The following LRRC28 variants were observed in gnomAD, a reference collection of about 807,000 sequenced individuals.
The protein encoded by LRRC28 is leucine-rich repeat-containing protein 28.
Under a neutral mutation model 45.7 loss-of-function variants are expected in LRRC28, and 39 were observed. The ratio of observed to expected loss-of-function variants is 0.85; its 90% CI spans 0.66 to 1.12. LRRC28 has a LOEUF of 1.12. Among genes scored for constraint, LRRC28 ranks in the 50% most tolerant of loss-of-function variants. The pLI is 0.00. For missense variants in LRRC28, 435 were observed against 438.5 expected, an observed-to-expected ratio of 0.99 and a Z score of 0.07; for synonymous variants, 206 against 178.8, an observed-to-expected ratio of 1.15 and a Z score of -1.22.
At chr15:99,384,062 G>A (rs1186106043) in intron 9 of LRRC28, among the ~76,000 whole-genome samples, 4 of 152,208 alleles carry the variant, frequency 2.6e-5, no homozygotes, top group African/African-American at 9.7e-5. Flanking sequence ...ACAAGATCCT[G>A]CAACTCCATC....
intron 5 of LRRC28, among the ~76,000 whole-genome samples, chr15:99,299,545 C>A (rs2082345922): frequency 6.6e-6 from 1 of 152,120 alleles, no homozygotes. Context: ...TGTTGCTTTA[C>A]TTCATCTGTG....
chr15:99,360,044 T>G (rs1184608735), intron 7 of LRRC28, among the ~76,000 whole-genome samples: 1 of 152,162 alleles, frequency 6.6e-6, no homozygotes, highest in African/African-American at 2.4e-5. Context: ...TGGTCAGATA[T>G]TTGGTAAAAA....
chr15:99,337,922 G>C (rs559326669), intron 6 of LRRC28: 2 of 152,258 alleles, frequency 1.3e-5, no homozygotes, highest in African/African-American at 4.8e-5. Context: ...AAAGAAGCAG[G>C]CTACCTGAAG....
At chr15:99,258,101 A>G in intron 2 of LRRC28, 2 of 1,577,582 alleles carry the variant, frequency 1.3e-6, no homozygotes, top group Non-Finnish European at 1.7e-6. Context: ...AGAGTTGGTT[A>G]AAAACCTTGG....
chr15:99,253,607 G>C (rs1020777760), intron 1 of LRRC28, among the ~76,000 whole-genome samples: 5 of 152,218 alleles, frequency 3.3e-5, no homozygotes, highest in South Asian at 2.1e-4. Context: ...GCACCCTCAA[G>C]GCCTAGTATG....
chr15:99,380,355 G>T (rs1385307464), intron 9 of LRRC28, among the ~76,000 whole-genome samples: 1 of 152,098 alleles, frequency 6.6e-6, no homozygotes, highest in Non-Finnish European at 1.5e-5. Flanking sequence ...GACTAGGATT[G>T]CAACCCTTGC....
intron 8 of LRRC28, 77 bp from the exon 9 acceptor site, chr15:99,363,029 A>G: frequency 1.4e-6 from 2 of 1,452,918 alleles, no homozygotes; most frequent in Non-Finnish European, 1.8e-6. Context: ...CTTATTTGGT[A>G]ACAAATATTT....
intron 5 of LRRC28, chr15:99,326,723 A>G (rs952414031): frequency 6.6e-6 from 1 of 152,158 alleles, no homozygotes; most frequent in Non-Finnish European, 1.5e-5. Context: ...AAAAAAATGT[A>G]CACTCAGAAA....
chr15:99,298,154 C>G (rs1461830552), intron 5 of LRRC28, among the ~76,000 whole-genome samples: 1 of 152,168 alleles, frequency 6.6e-6, no homozygotes, highest in Non-Finnish European at 1.5e-5. Context: ...GGGTGCGTTC[C>G]TTTGTGAAAA....
intron 6 of LRRC28, among the ~76,000 whole-genome samples, chr15:99,350,938 GAC>G (rs1956858296): frequency 6.6e-6 from 1 of 152,170 alleles, no homozygotes; most frequent in African/African-American, 2.4e-5. Flanking sequence ...TGGAACTAGA[GAC>G]ACATGCCAGC....
intron 5 of LRRC28, among the ~76,000 whole-genome samples, chr15:99,318,059 T>TA (rs1243466681): frequency 2.0e-5 from 3 of 152,162 alleles, no homozygotes; most frequent in Non-Finnish European, 4.4e-5. Context: ...TCTGAAGAAA[T>TA]ACGTTTTTAT....
chr15:99,349,059 ATTTC>A (rs1956787469), intron 6 of LRRC28, among the ~76,000 whole-genome samples: 1 of 151,558 alleles, frequency 6.6e-6, no homozygotes, highest in Admixed American at 6.6e-5. Flanking sequence ...TGTTTTCTTG[ATTTC>A]TTTCTTTGGT....
At chr15:99,326,402 C>T (rs954277678) in intron 5 of LRRC28, 1 of 152,166 alleles carries the variant, frequency 6.6e-6, no homozygotes, top group Non-Finnish European at 1.5e-5. Context: ...AGGCATGTTA[C>T]TGCAAAGATG....
rs191748852 is a variant in LRRC28 at position 99,358,690 on chromosome 15, T to C, written c.696-2646T>C. Among the ~76,000 whole-genome samples the C allele has an allele frequency of 4.2e-3, 632 of 151,956 alleles. 10 individuals are homozygous for C. Among genetic ancestry groups the C allele is most frequent in the Non-Finnish European group, 2.8e-3 (191 of 67,950 alleles). On this transcript the variant is annotated intron_variant, in intron 7 of 9. Transcript: ENST00000301981. ...ATTCAGAGGTAAATGATAGTGTTGT[T>C]TAATAATGCTACCCGTATTATTTTT... is the stretch of plus-strand genomic sequence containing the variant.
chr15:99,376,544 AT>A (rs1184885764), intron 9 of LRRC28, among the ~76,000 whole-genome samples: 1 of 151,952 alleles, frequency 6.6e-6, no homozygotes, highest in Non-Finnish European at 1.5e-5. Flanking sequence ...TTGAAAAAAA[AT>A]TTTTTATACT....
At chr15:99,330,792 C>T (rs1449825981) in intron 5 of LRRC28, among the ~76,000 whole-genome samples, 1 of 151,950 alleles carries the variant, frequency 6.6e-6, no homozygotes, top group Non-Finnish European at 1.5e-5. Flanking sequence ...TTTTTTTCCC[C>T]ATACCTCTCC....
chr15:99,290,172 C>T lies in LRRC28; in HGVS notation c.385+2221C>T, dbSNP rs576994947. On this transcript the variant is annotated intron_variant, in intron 5 of 9. Transcript: ENST00000301981. Reference sequence around the variant, plus strand: ...TACTTGGGAGGCTGAAACAGGAGAACTGCTTGAACCTGGGAGGCGGAGGTT... The same window carrying T: ...TACTTGGGAGGCTGAAACAGGAGAATTGCTTGAACCTGGGAGGCGGAGGTT... 6.6e-5 allele frequency among the ~76,000 whole-genome samples: 10 copies of T among 150,940 alleles called. No homozygotes were observed. The South Asian group carries it at 8.4e-4, about 13-fold the overall frequency.
At chr15:99,354,926 C>T (rs1957002166) in intron 7 of LRRC28, among the ~76,000 whole-genome samples, 3 of 152,138 alleles carry the variant, frequency 2.0e-5, no homozygotes, top group African/African-American at 7.2e-5. Flanking sequence ...ATTAGAGCAA[C>T]AACTGAGCAA....
At chr15:99,291,612 C>G (rs970792018) in intron 5 of LRRC28, among the ~76,000 whole-genome samples, 3 of 152,216 alleles carry the variant, frequency 2.0e-5, no homozygotes, top group African/African-American at 7.2e-5. Flanking sequence ...CAAACCCCTT[C>G]TCCATAGTCC....
Sources: allele counts gnomAD v4.1 joint callset (sites outside exome capture counted in the v4.1 genomes callset), GRCh38; gene constraint gnomAD v4.1.1; transcripts MANE v1.5; gene names NCBI Gene and HGNC (gene_info 2026-07-23, HGNC 2026-07-21).